The following VIRMA variants were observed in gnomAD, a reference collection of about 807,000 sequenced individuals.
VIRMA encodes protein virilizer homolog.
VIRMA carries 65 observed loss-of-function variants against 182.4 expected under a neutral mutation model. That is an observed-to-expected ratio of 0.36 (90% CI 0.29 to 0.44). The LOEUF is 0.44. Ranked by LOEUF, VIRMA falls within the 20% of genes least tolerant of loss-of-function variation. The pLI, the probability that VIRMA is intolerant of heterozygous loss-of-function variation, is 1.00. For missense variants in VIRMA, 1,752 were observed against 2,158.1 expected (o/e 0.81, Z 3.73); for synonymous variants, 709 against 743.1 (o/e 0.95, Z 0.75).
chr8:94,505,481 CT>C (rs140484297), intron 16 of VIRMA, among the ~76,000 whole-genome samples: 2 of 150,320 alleles, frequency 1.3e-5, no homozygotes, highest in African/African-American at 2.4e-5. Flanking sequence ...ATTTCTTTTT[CT>C]TTTTTTTTGA....
chr8:94,518,830 T>G (rs1426891099), intron 9 of VIRMA, among the ~76,000 whole-genome samples, 155 bp downstream of exon 9: 1 of 152,182 alleles, frequency 6.6e-6, no homozygotes. Flanking sequence ...ATTTTAGAGA[T>G]TTCTGTCACT....
chr8:94,492,784 C>T lies in VIRMA; in HGVS notation c.4676G>A (p.Cys1559Tyr). ...TGAGTGCAAATCAAAGTCACTACAG[C>T]ATTTTTCAGAGAGTTCAATTAAGTC... ...KVDLIELSEKCCSDFDLHSEL... is the reference protein window; with the variant it reads ...KVDLIELSEKYCSDFDLHSEL... Residue 1559 changes from cysteine (C) to tyrosine (Y), a missense_variant, in exon 21 of 24, where the codon TGC (cysteine) becomes TAC (tyrosine). By Grantham distance (194) the Cys-to-Tyr change is radical. This residue lies in a region of VIRMA where 777 missense variants were observed against 920.6 expected (regional missense o/e 0.84). Transcript: ENST00000297591. 1 of 1,613,738 alleles carries T rather than the reference C, an allele frequency of 6.2e-7. No individual in the cohort carries two copies. Among genetic ancestry groups the T allele is most frequent in the Non-Finnish European group, 8.5e-7 (1 of 1,179,802 alleles).
At chr8:94,547,047 G>C (rs1412362188) in intron 1 of VIRMA, 1 of 454,958 alleles carries the variant, frequency 2.2e-6, no homozygotes, top group African/African-American at 2.1e-5. Flanking sequence ...CTTGAAAGCT[G>C]AGCCAGATCA....
intron 2 of VIRMA, among the ~76,000 whole-genome samples, chr8:94,539,202 G>A (rs570042150): frequency 2.0e-5 from 3 of 151,788 alleles, no homozygotes; most frequent in African/African-American, 4.8e-5. Flanking sequence ...GTTTCCTTTC[G>A]TTACCAAAAG....
At position 94,491,691 on chromosome 8, in the gene VIRMA, C is replaced by T; in HGVS notation, c.5027G>A (p.Arg1676Gln). Residue 1676 changes from arginine to glutamine, a missense_variant, in exon 22 of 24, where the codon CGG (arginine) becomes CAG (glutamine). Physicochemically the swap from Arg to Gln is conservative, Grantham distance 43. Coordinates refer to ENST00000297591, the MANE Select transcript of VIRMA (RefSeq NM_015496.5). ...AATCTTCTGTGATACTTTGAGTGGC[C>T]GTTTTGGTGGAGGTATTCCATCTTG... ...VPQDGIPPPK[R>Q]PLKVSQKISS... 1.9e-6 allele frequency: 3 copies of T among 1,614,170 alleles called. No individual in the cohort carries two copies. Among genetic ancestry groups the T allele is most frequent in the Non-Finnish European group, 2.5e-6 (3 of 1,180,040 alleles).
intron 17 of VIRMA, chr8:94,497,199 C>G (rs1328563259): frequency 1.3e-5 from 2 of 152,122 alleles, no homozygotes; most frequent in Admixed American, 6.6e-5. Flanking sequence ...TCCCCAGGAT[C>G]AAGTGATCCT....
intron 5 of VIRMA, among the ~76,000 whole-genome samples, chr8:94,532,158 T>C (rs1412967455): frequency 1.3e-5 from 2 of 152,086 alleles, no homozygotes; most frequent in East Asian, 1.9e-4. Context: ...CCAGGCTGGA[T>C]TGCAGTGGCA....
At position 94,533,221 on chromosome 8, in the gene VIRMA, A is replaced by G. The variant is rs1165794043; in HGVS notation, c.484+1618T>C. Among the ~76,000 whole-genome samples the G allele has an allele frequency of 2.6e-5, 4 of 152,112 alleles. No individual in the cohort carries two copies. The East Asian group carries it at 7.7e-4, about 29-fold the overall frequency. On this transcript the variant is annotated intron_variant, in intron 5 of 23. Coordinates refer to ENST00000297591, the MANE Select transcript of VIRMA (RefSeq NM_015496.5). The stretch of plus-strand genomic sequence containing the variant: ...GGACTGAAAGAAAAAGAAAACTGAA[A>G]GAGTAACTATGCTTAGCAGGTAAGA...
intron 15 of VIRMA, among the ~76,000 whole-genome samples, chr8:94,508,870 T>C (rs1814256298): frequency 6.6e-6 from 1 of 151,968 alleles, no homozygotes; most frequent in Non-Finnish European, 1.5e-5. Context: ...AAAATGCCAT[T>C]AGGCATAGAA....
intron 7 of VIRMA, among the ~76,000 whole-genome samples, chr8:94,527,748 T>C (rs1435130333): frequency 7.1e-6 from 1 of 141,764 alleles, no homozygotes; most frequent in Non-Finnish European, 1.6e-5. Context: ...AGAGATTATT[T>C]TTAAGACCAA....
At chr8:94,513,640 T>G (rs1814452198) in intron 11 of VIRMA, among the ~76,000 whole-genome samples, 1 of 152,164 alleles carries the variant, frequency 6.6e-6, no homozygotes, top group South Asian at 2.1e-4. Flanking sequence ...AACTCTTAAC[T>G]ACAGCATGTA....
chr8:94,528,943 G>T, intron 7 of VIRMA, 127 bp downstream of exon 7: 1 of 1,176,830 alleles, frequency 8.5e-7, no homozygotes, highest in Non-Finnish European at 1.2e-6. Context: ...TTGAGGCCTA[G>T]CTACATTCTG....
At chr8:94,544,654 C>T (rs2130390775) in intron 1 of VIRMA, among the ~76,000 whole-genome samples, 1 of 114,260 alleles carries the variant, frequency 8.8e-6, no homozygotes, top group East Asian at 2.9e-4. Context: ...GAGCGAGCGA[C>T]TCTGTCTCAA....
Position 94,510,633 on chromosome 8 carries a change from A to G in VIRMA, c.3410T>C (p.Ile1137Thr), listed in dbSNP as rs778671194. The G allele has an allele frequency of 9.3e-6, 15 of 1,613,460 alleles. No homozygotes were observed. Among genetic ancestry groups the G allele is most frequent in the South Asian group, 4.4e-5 (4 of 91,078 alleles). The change falls in exon 14 of 24, where the codon ATA becomes ACA. Residue 1137 changes from isoleucine to threonine, a missense_variant. This residue lies in a region of VIRMA where 777 missense variants were observed against 920.6 expected (regional missense o/e 0.84). Coordinates refer to ENST00000297591, the MANE Select transcript of VIRMA (RefSeq NM_015496.5). Reference sequence around the variant, plus strand: ...TTTTCGGGTGTTGAGTGCCACTGATATATCATGTGGCTCAATAACCTGTTA... The same window carrying G: ...TTTTCGGGTGTTGAGTGCCACTGATGTATCATGTGGCTCAATAACCTGTTA... ...QTTQVIEPHD[I>T]SVALNTRKLW... is the part of the protein sequence containing the mutation.
intron 1 of VIRMA, among the ~76,000 whole-genome samples, chr8:94,548,365 G>A (rs955354179): frequency 2.0e-5 from 3 of 150,998 alleles, no homozygotes; most frequent in Admixed American, 6.6e-5. Flanking sequence ...CGTGGGCAAC[G>A]GGTGTATACA....
rs984611535 is a variant in VIRMA, at chr8:94,501,618, A to G, written c.4098-2112T>C. Among the ~76,000 whole-genome samples, 9 of 152,294 alleles carry G rather than the reference A, an allele frequency of 5.9e-5. No homozygotes were observed. The South Asian group carries it at 6.2e-4, about 11-fold the overall frequency. Reference sequence around the variant, plus strand: ...ACTGTTAGAGAATAAAATAATCAAGAAAGGGAAAAGGCTAGAATTCACTTC... The same window carrying G: ...ACTGTTAGAGAATAAAATAATCAAGGAAGGGAAAAGGCTAGAATTCACTTC... On this transcript the variant is annotated intron_variant, in intron 16 of 23. Transcript: ENST00000297591.
intron 6 of VIRMA, among the ~76,000 whole-genome samples, chr8:94,529,865 C>T (rs1242778807): frequency 2.0e-5 from 3 of 152,182 alleles, no homozygotes; most frequent in African/African-American, 7.2e-5. Context: ...GTCTCGAACT[C>T]CTGACCTCAG....
In VIRMA at chr8:94,548,647, T is replaced by C. The variant is rs1046481428; in HGVS notation, c.64-4705A>G. Among the ~76,000 whole-genome samples the C allele has an allele frequency of 2.3e-4, 34 of 145,184 alleles. 2 individuals are homozygous for C. Among genetic ancestry groups the C allele is most frequent in the African/African-American group, 9.8e-4 (34 of 34,854 alleles). On this transcript the variant is annotated intron_variant, in intron 1 of 23. Coordinates refer to ENST00000297591, the MANE Select transcript of VIRMA (RefSeq NM_015496.5). ...TAGAGATATAGTGTGCTTTTTTATATTTTTTTATTATTTATTTATTTATTT... is the reference window on the plus strand; with the variant it reads ...TAGAGATATAGTGTGCTTTTTTATACTTTTTTATTATTTATTTATTTATTT...
chr8:94,544,207 T>C (rs903660844), intron 1 of VIRMA, among the ~76,000 whole-genome samples: 2 of 152,194 alleles, frequency 1.3e-5, no homozygotes, highest in African/African-American at 2.4e-5. Context: ...CAGAGTCCCT[T>C]ATCTGAAATC....
Sources: allele counts gnomAD v4.1 joint callset (sites outside exome capture counted in the v4.1 genomes callset), GRCh38; gene constraint gnomAD v4.1.1; regional missense constraint gnomAD v4.1.1; transcripts MANE v1.5; gene names NCBI Gene and HGNC (gene_info 2026-07-23, HGNC 2026-07-21).